The following SAXO5 variants were observed in gnomAD, a reference collection of about 807,000 sequenced individuals.
SAXO5 encodes the protein testis expressed 45.
the SAXO5 span, chr19:7,506,226 AAGCCCCGCCCCCATGG>A: frequency 8.2e-7 from 1 of 1,220,816 alleles, no homozygotes; most frequent in Non-Finnish European, 1.0e-6. Context: ...CCACCCCCGA[AAGCCCCGCCCCCATGG>A]AGCCCCTCCC....
the SAXO5 span, chr19:7,497,656 T>G: frequency 6.6e-6 from 1 of 152,124 alleles, no homozygotes; most frequent in African/African-American, 2.4e-5. Context: ...TTTCTAAAAC[T>G]CATTGATTCA....
chr19:7,499,420 A>T, the SAXO5 span, among the ~76,000 whole-genome samples: 1 of 151,852 alleles, frequency 6.6e-6, no homozygotes, highest in African/African-American at 2.4e-5. Flanking sequence ...AGTGTGGCAG[A>T]AACGGAGATG....
chr19:7,506,925 A>C, the SAXO5 span: 4 of 665,362 alleles, frequency 6.0e-6, no homozygotes, highest in Admixed American at 4.8e-5. Flanking sequence ...CTCCTAATCC[A>C]TTTTTCTCCC....
the SAXO5 span, chr19:7,501,224 G>T: frequency 1.9e-6 from 3 of 1,549,144 alleles, no homozygotes; most frequent in Non-Finnish European, 2.6e-6. Flanking sequence ...CCTACGGCTG[G>T]CCCGAGCTGC....
the SAXO5 span, chr19:7,507,162 C>T: frequency 6.2e-7 from 1 of 1,602,390 alleles, no homozygotes; most frequent in Non-Finnish European, 8.5e-7. Context: ...CGGAGGGGAG[C>T]CACCCATCAT....
At chr19:7,504,554 C>T in the SAXO5 span, 1 of 645,954 alleles carries the variant, frequency 1.5e-6, no homozygotes, top group Middle Eastern at 4.3e-4. Context: ...AAAAATACAA[C>T]AATTAGCCGG....
chr19:7,504,550 A>T, the SAXO5 span: 11 of 655,722 alleles, frequency 1.7e-5, no homozygotes, highest in Non-Finnish European at 2.9e-5. Flanking sequence ...TACTAAAAAT[A>T]CAACAATTAG....
the SAXO5 span, among the ~76,000 whole-genome samples, chr19:7,498,170 TACACACAC>T: frequency 7.0e-6 from 1 of 142,432 alleles, no homozygotes; most frequent in Non-Finnish European, 1.5e-5. Context: ...CACACACACA[TACACACAC>T]ACACACACAC....
At chr19:7,506,269 C>CGAA in the SAXO5 span, 1 of 1,024,424 alleles carries the variant, frequency 9.8e-7, no homozygotes, top group Non-Finnish European at 1.4e-6. Context: ...GCCCCGCCCC[C>CGAA]ACGGAGCCCC....
chr19:7,504,547 A>G, the SAXO5 span: 2 of 657,622 alleles, frequency 3.0e-6, no homozygotes, highest in Admixed American at 2.8e-5. Context: ...CTCTACTAAA[A>G]ATACAACAAT....
chr19:7,498,293 C>T, the SAXO5 span, among the ~76,000 whole-genome samples: 1 of 151,770 alleles, frequency 6.6e-6, no homozygotes, highest in Non-Finnish European at 1.5e-5. Flanking sequence ...TCACTGCAAC[C>T]TCTGCCACCC....
At chr19:7,500,763 C>T in the SAXO5 span, 1 of 1,377,802 alleles carries the variant, frequency 7.3e-7, no homozygotes, top group African/African-American at 1.5e-5. Flanking sequence ...GGCAAGTGCC[C>T]CAATGGGCAC....
At chr19:7,506,700 TC>T in the SAXO5 span, 2 of 354,096 alleles carry the variant, frequency 5.6e-6, no homozygotes, top group East Asian at 7.5e-5. Flanking sequence ...CCCAAGCTCC[TC>T]CCCCTTTCTC....
At chr19:7,499,965 T>TGTGTGTGG in the SAXO5 span, 1 of 150,984 alleles carries the variant, frequency 6.6e-6, no homozygotes, top group South Asian at 2.1e-4. Context: ...TGTGTGTGTG[T>TGTGTGTGG]GGAGACGGGG....
the SAXO5 span, chr19:7,500,941 G>C: frequency 1.3e-6 from 2 of 1,576,846 alleles, no homozygotes; most frequent in African/African-American, 1.4e-5. Flanking sequence ...GGCACCATGC[G>C]CACCACGTCG....
the SAXO5 span, chr19:7,505,205 A>C: frequency 1.1e-6 from 1 of 924,578 alleles, no homozygotes; most frequent in African/African-American, 1.6e-5. Context: ...CTGTTCTCAA[A>C]AGCCTGACCT....
At chr19:7,498,393 CTTTTTTTTT>C in the SAXO5 span, among the ~76,000 whole-genome samples, 4 of 115,358 alleles carry the variant, frequency 3.5e-5, no homozygotes, top group South Asian at 2.8e-4. Context: ...GTATTTTTTT[CTTTTTTTTT>C]TTTTTTTTTT....
At chr19:7,508,171 G>C in the SAXO5 span, 1 of 1,589,836 alleles carries the variant, frequency 6.3e-7, no homozygotes, top group Non-Finnish European at 8.6e-7. Context: ...CACCTCCCAG[G>C]CTGCCCTGCC....
chr19:7,506,006 G>A, the SAXO5 span: 1 of 1,603,528 alleles, frequency 6.2e-7, no homozygotes, highest in African/African-American at 1.3e-5. Context: ...CGTGCCTCAT[G>A]AGAAATTGCA....
Sources: allele counts gnomAD v4.1 joint callset (sites outside exome capture counted in the v4.1 genomes callset), GRCh38; gene constraint gnomAD v4.1.1; transcripts MANE v1.5; gene names NCBI Gene and HGNC (gene_info 2026-07-23, HGNC 2026-07-21).